Variants in PARD3B observed in about 807,000 individuals in gnomAD.
PARD3B encodes the protein par-3 family cell polarity regulator beta.
PARD3B carries 103 observed loss-of-function variants against 130.2 expected under a neutral mutation model. The ratio of observed to expected loss-of-function variants is 0.79; its 90% CI spans 0.67 to 0.93. The LOEUF (loss-of-function observed/expected upper bound fraction) is 0.93. Among genes scored for constraint, PARD3B ranks in the 40% least tolerant of loss-of-function variants. The probability of loss-of-function intolerance (pLI) is 0.00; values close to 1 mark genes in which losing one functional copy is unlikely to be tolerated. For synonymous variants in PARD3B, 583 were observed against 553.2 expected, an observed-to-expected ratio of 1.05 and a Z score of -0.76; for missense variants, 1,609 against 1,499.2, an observed-to-expected ratio of 1.07 and a Z score of -1.21.
At chr2:205,523,230 TATATATATATATTTATATATATATA>T (rs1301293259) in intron 21 of PARD3B, among the ~76,000 whole-genome samples, 104 of 147,294 alleles carry the variant, frequency 7.1e-4, no homozygotes, top group African/African-American at 2.3e-3. Context: ...TGTGTGTATA[TATATATATATATTTATATATATATA>T]TATTTTTGAG....
chr2:205,229,120 AGTTC>A lies in PARD3B; in HGVS notation c.2141-16654_2141-16651del, dbSNP rs2038709034. Among the ~76,000 whole-genome samples, 1 of 152,232 alleles carries A rather than the reference AGTTC, an allele frequency of 6.6e-6. No homozygotes were observed. The highest frequency in any genetic ancestry group is 6.5e-5 in the Admixed American group (1 of 15,298). On this transcript the variant is annotated intron_variant, in intron 15 of 22. Transcript: ENST00000406610. This position sits in a 1 kb window ranked among gnomAD's most constrained non-coding sequence, Gnocchi z 5.2. ...GGTTTGGGTCACTTGTGCCTTATTT[AGTTC>A]GTTTGGTGAAGTCATGTTTTCCTGG...
intron 18 of PARD3B, among the ~76,000 whole-genome samples, chr2:205,381,387 T>C (rs1033239337): frequency 2.7e-5 from 4 of 150,942 alleles, no homozygotes; most frequent in Admixed American, 1.3e-4. Flanking sequence ...AAATCAAGTG[T>C]TCCATAATAG....
At position 205,286,023 on chromosome 2, in the gene PARD3B, T is replaced by C. The variant is rs7569859; in HGVS notation, c.2186-14507T>C. On this transcript the variant is annotated intron_variant, in intron 16 of 22. Coordinates refer to ENST00000406610, the MANE Select transcript of PARD3B (RefSeq NM_001302769.2). The stretch of plus-strand genomic sequence containing the variant: ...AATTTCATCTTATAATAACAAATGA[T>C]GGGAAAAACTATTTAATGATGCATC... Among the ~76,000 whole-genome samples the C allele has an allele frequency of 1.3e-3, 197 of 152,328 alleles. 1 individual carries two copies. Among genetic ancestry groups the C allele is most frequent in the African/African-American group, 4.4e-3 (184 of 41,578 alleles).
Position 205,615,732 on chromosome 2 carries a change from G to T in PARD3B, c.3537G>T (p.Gly1179=). ...CCTATCAGGAAACAGGCAGACCAGG[G>T]CCCCGTGGGGGCAGCCCAGACCAGT... ...MPAYQETGRP[G]PRGGSPDQYP... is the part of the protein sequence containing the mutation. Residue 1179 remains glycine (G), a synonymous_variant, in exon 23 of 23, where the codon GGG becomes GGT. Coordinates refer to ENST00000406610, the MANE Select transcript of PARD3B (RefSeq NM_001302769.2). 6.2e-7 allele frequency: 1 copy of T among 1,614,072 alleles called. No individual in the cohort carries two copies. Among genetic ancestry groups the T allele is most frequent in the Non-Finnish European group, 8.5e-7 (1 of 1,180,018 alleles).
intron 2 of PARD3B, among the ~76,000 whole-genome samples, chr2:204,754,929 A>AT (rs1356468146): frequency 6.6e-6 from 1 of 152,146 alleles, no homozygotes; most frequent in Non-Finnish European, 1.5e-5. Context: ...TTCCACAAAT[A>AT]TAATTACATT....
chr2:204,983,751 G>T (rs1027431948), intron 3 of PARD3B, among the ~76,000 whole-genome samples: 1 of 152,166 alleles, frequency 6.6e-6, no homozygotes, highest in Admixed American at 6.5e-5. Context: ...ATCAGAAGTT[G>T]TAACCAAGAG....
intron 7 of PARD3B, among the ~76,000 whole-genome samples, chr2:205,119,991 C>T (rs1384460621): frequency 6.6e-6 from 1 of 151,980 alleles, no homozygotes; most frequent in Non-Finnish European, 1.5e-5. Context: ...CCTCTTGTTT[C>T]TGACCAAAAC....
intron 13 of PARD3B, among the ~76,000 whole-genome samples, chr2:205,178,299 C>T (rs751676251): frequency 1.3e-5 from 2 of 150,626 alleles, no homozygotes; most frequent in Non-Finnish European, 2.9e-5. Flanking sequence ...TGTCTTTTCT[C>T]ATCTTAAAGA....
intron 15 of PARD3B, among the ~76,000 whole-genome samples, chr2:205,234,378 T>A (rs2038972288): frequency 6.6e-6 from 1 of 152,140 alleles, no homozygotes; most frequent in Non-Finnish European, 1.5e-5. Flanking sequence ...CTAACATTAA[T>A]GAAGAGACTA....
intron 1 of PARD3B, among the ~76,000 whole-genome samples, chr2:204,668,297 A>G (rs1449947103): frequency 2.0e-5 from 3 of 152,204 alleles, no homozygotes; most frequent in Non-Finnish European, 4.4e-5. Context: ...GCTTTAGATT[A>G]GAAGTTATTA....
intron 2 of PARD3B, among the ~76,000 whole-genome samples, chr2:204,946,414 C>T (rs1456073086): frequency 6.6e-6 from 1 of 151,988 alleles, no homozygotes; most frequent in East Asian, 1.9e-4. Context: ...CCTTTTAGCT[C>T]TGCTTTTTCT....
chr2:204,938,459 A>G (rs898876997), intron 2 of PARD3B, among the ~76,000 whole-genome samples: 2 of 152,192 alleles, frequency 1.3e-5, no homozygotes, highest in Admixed American at 1.3e-4. Flanking sequence ...CTCTCAGCTT[A>G]AATATCACCA....
intron 3 of PARD3B, among the ~76,000 whole-genome samples, chr2:205,008,291 T>C (rs1575544856): frequency 1.1e-3 from 2 of 1,898 alleles, no homozygotes; most frequent in African/African-American, 2.8e-3. Flanking sequence ...ACAAATAATC[T>C]TTTTTTTTTT....
chr2:205,354,268 C>T lies in PARD3B; in HGVS notation c.2631-46745C>T, dbSNP rs544597242. The stretch of plus-strand genomic sequence containing the variant: ...AGTGGTTAGGATTCGGCACTCTCAC[C>T]GCCACTGCCCCCGTTCAGTTACCGG... On this transcript the variant is annotated intron_variant, in intron 18 of 22. Coordinates refer to ENST00000406610, the MANE Select transcript of PARD3B (RefSeq NM_001302769.2). Among the ~76,000 whole-genome samples the T allele has an allele frequency of 4.6e-5, 7 of 151,612 alleles. 1 individual carries two copies. The highest frequency in any genetic ancestry group is 2.0e-4 in the East Asian group (1 of 5,126).
At position 205,439,763 on chromosome 2, in the gene PARD3B, G is replaced by A. The variant is rs1004888748; in HGVS notation, c.2742-607G>A. ...TTCACTATTTTACTCTGTCCCTAGCGCCTATATAATGAGACACAATAATCC... is the reference window on the plus strand; with the variant it reads ...TTCACTATTTTACTCTGTCCCTAGCACCTATATAATGAGACACAATAATCC... On this transcript the variant is annotated intron_variant, in intron 19 of 22. Transcript: ENST00000406610. Among the ~76,000 whole-genome samples, 21 of 152,060 alleles carry A rather than the reference G, an allele frequency of 1.4e-4. 1 individual carries two copies. Among genetic ancestry groups the A allele is most frequent in the East Asian group, 1.2e-3 (6 of 5,188 alleles).
chr2:204,580,494 A>C (rs2032498702), intron 1 of PARD3B, among the ~76,000 whole-genome samples: 1 of 152,076 alleles, frequency 6.6e-6, no homozygotes, highest in Non-Finnish European at 1.5e-5. Flanking sequence ...ACCCTAGCCG[A>C]TCCTATCACT....
intron 2 of PARD3B, among the ~76,000 whole-genome samples, chr2:204,748,196 C>T (rs1208701634): frequency 6.6e-6 from 1 of 151,978 alleles, no homozygotes; most frequent in East Asian, 1.9e-4. Context: ...TAGGCAGATG[C>T]CACATTTTTT....
chr2:205,222,676 TGA>T (rs1264630205), intron 15 of PARD3B, among the ~76,000 whole-genome samples: 1 of 152,212 alleles, frequency 6.6e-6, no homozygotes, highest in African/African-American at 2.4e-5. Context: ...CCCCTTTTAT[TGA>T]TGGTTTAATG....
chr2:205,406,137 T>C (rs2046409669), intron 19 of PARD3B, among the ~76,000 whole-genome samples: 1 of 152,232 alleles, frequency 6.6e-6, no homozygotes, highest in African/African-American at 2.4e-5. Context: ...CAAGACTTTG[T>C]GGATTTCTCA....
Sources: allele counts gnomAD v4.1 joint callset (sites outside exome capture counted in the v4.1 genomes callset), GRCh38; gene constraint gnomAD v4.1.1; non-coding constraint Gnocchi (gnomAD v3.1); transcripts MANE v1.5; gene names NCBI Gene and HGNC (gene_info 2026-07-23, HGNC 2026-07-21).